Variants in PCDH9 observed in about 807,000 individuals in gnomAD.
The protein encoded by PCDH9 is protocadherin 9.
A neutral mutation model predicts 70.6 loss-of-function variants in PCDH9; 24 were observed. The ratio of observed to expected loss-of-function variants is 0.34; its 90% CI spans 0.25 to 0.48. PCDH9 has a LOEUF of 0.48. Ranked by LOEUF, PCDH9 falls within the 20% of genes least tolerant of loss-of-function variation. The pLI is 0.99. For missense variants in PCDH9, 1,281 were observed against 1,503.6 expected (o/e 0.85, Z 2.45); for synonymous variants, 562 against 558.5 (o/e 1.01, Z -0.09).
intron 2 of PCDH9, among the ~76,000 whole-genome samples, chr13:67,140,025 A>ACCCCCCCCCCCC (rs34514187): frequency 2.0e-4 from 13 of 65,934 alleles, no homozygotes; most frequent in Non-Finnish European, 2.2e-4. Context: ...TTTTTTGATC[A>ACCCCCCCCCCCC]CCCCCCCCCC....
At chr13:66,358,321 C>T (rs1956417866) in intron 4 of PCDH9, among the ~76,000 whole-genome samples, 1 of 151,806 alleles carries the variant, frequency 6.6e-6, no homozygotes, top group Admixed American at 6.6e-5. Context: ...ACATTTATTA[C>T]TCTTTCTTTA....
chr13:67,067,895 G>A (rs946080160), intron 2 of PCDH9, among the ~76,000 whole-genome samples: 5 of 151,896 alleles, frequency 3.3e-5, no homozygotes, highest in Non-Finnish European at 5.9e-5. Context: ...AACTAGATCC[G>A]GTAAAGGTCT....
chr13:66,830,386 G>A (rs968134039), intron 3 of PCDH9, among the ~76,000 whole-genome samples: 7 of 151,828 alleles, frequency 4.6e-5, no homozygotes, highest in Admixed American at 1.3e-4. Context: ...AAAACAAGCA[G>A]GTCACACTAA....
chr13:66,769,520 C>T lies in PCDH9; in HGVS notation c.3138+133984G>A, dbSNP rs561749446. ...CAGATATGCAATTTTCTAGGTTTTT[C>T]GGAGCCACTTTCATAACAGTGTGGT... On this transcript the variant is annotated intron_variant, in intron 3 of 4. Transcript: ENST00000377865. Among the ~76,000 whole-genome samples, 140 of 150,102 alleles carry T rather than the reference C, an allele frequency of 9.3e-4. 1 individual carries two copies. Among genetic ancestry groups the T allele is most frequent in the Admixed American group, 1.5e-3 (22 of 15,060 alleles).
chr13:66,976,117 G>A (rs2083614597), intron 2 of PCDH9, among the ~76,000 whole-genome samples: 1 of 151,940 alleles, frequency 6.6e-6, no homozygotes, highest in African/African-American at 2.4e-5. Context: ...GTCCTTTGAG[G>A]AAAAAAATAC....
At chr13:66,378,357 C>CT (rs150448060) in intron 4 of PCDH9, among the ~76,000 whole-genome samples, 3,805 of 151,240 alleles carry the variant, frequency 0.025, 144 homozygotes, top group African/African-American at 0.084. Context: ...TGGGTAAGTG[C>CT]TTTTTTTTTG....
At chr13:66,991,712 A>G (rs1045503835) in intron 2 of PCDH9, among the ~76,000 whole-genome samples, 1 of 152,148 alleles carries the variant, frequency 6.6e-6, no homozygotes, top group Non-Finnish European at 1.5e-5. Context: ...ACAGAATCCG[A>G]AACAAAATGA....
chr13:67,156,921 G>C (rs1224766046), intron 2 of PCDH9, among the ~76,000 whole-genome samples: 2 of 152,148 alleles, frequency 1.3e-5, no homozygotes, highest in African/African-American at 2.4e-5. Flanking sequence ...CCTGCCGGGG[G>C]ACTACTGAAC....
chr13:67,182,171 A>C (rs963444128), intron 2 of PCDH9, among the ~76,000 whole-genome samples: 8 of 152,176 alleles, frequency 5.3e-5, no homozygotes, highest in Non-Finnish European at 1.0e-4. Flanking sequence ...TCATAAGTTA[A>C]ACTACCTCCA....
intron 2 of PCDH9, among the ~76,000 whole-genome samples, chr13:66,927,885 A>G (rs115463592): frequency 0.011 from 1,692 of 152,194 alleles, 36 homozygotes; most frequent in African/African-American, 0.039. Context: ...GGGAAACACA[A>G]TTCTGCCCAT....
intron 4 of PCDH9, among the ~76,000 whole-genome samples, chr13:66,599,028 T>A (rs1182238760): frequency 2.0e-5 from 3 of 151,700 alleles, no homozygotes; most frequent in South Asian, 2.1e-4. Flanking sequence ...AATCAAGTAA[T>A]TTTTTTTACA....
chr13:66,871,273 G>A (rs2081677826), intron 3 of PCDH9, among the ~76,000 whole-genome samples: 1 of 151,560 alleles, frequency 6.6e-6, no homozygotes, highest in Non-Finnish European at 1.5e-5. Context: ...AGCATTAGGA[G>A]ATATACCTAA....
chr13:66,845,072 A>G (rs9599158), intron 3 of PCDH9, among the ~76,000 whole-genome samples: 2,511 of 152,228 alleles, frequency 0.016, 36 homozygotes, highest in Non-Finnish European at 0.024. Context: ...AAAAAGAGCC[A>G]TAAGTTCTCA....
chr13:66,999,122 C>T (rs187936986), intron 2 of PCDH9, among the ~76,000 whole-genome samples: 30 of 152,300 alleles, frequency 2.0e-4, no homozygotes, highest in African/African-American at 6.7e-4. Flanking sequence ...TTGCCTATCT[C>T]TCTGCCTTTG....
At chr13:66,564,174 T>G (rs1161825319) in intron 4 of PCDH9, among the ~76,000 whole-genome samples, 6 of 149,092 alleles carry the variant, frequency 4.0e-5, no homozygotes, top group Admixed American at 2.0e-4. Flanking sequence ...AAATTTTGAT[T>G]TTTTTTTTAA....
chr13:66,617,814 T>C (rs1009076023), intron 4 of PCDH9, among the ~76,000 whole-genome samples: 11 of 152,162 alleles, frequency 7.2e-5, no homozygotes, highest in African/African-American at 2.4e-4. Flanking sequence ...GATGGCCCCA[T>C]CTGCCGGGAA....
At chr13:67,089,220 A>T (rs775895325) in intron 2 of PCDH9, among the ~76,000 whole-genome samples, 4 of 152,076 alleles carry the variant, frequency 2.6e-5, no homozygotes, top group Non-Finnish European at 4.4e-5. Flanking sequence ...TAGAGATTCA[A>T]ATATCACATT....
chr13:66,967,638 A>C (rs1302985720), intron 2 of PCDH9, among the ~76,000 whole-genome samples: 1 of 152,054 alleles, frequency 6.6e-6, no homozygotes, highest in Non-Finnish European at 1.5e-5. Flanking sequence ...ATAACAACAA[A>C]TTATACAAAT....
chr13:66,477,507 A>G lies in PCDH9; in HGVS notation c.3340+153703T>C, dbSNP rs563596318. On this transcript the variant is annotated intron_variant, in intron 4 of 4. Coordinates refer to ENST00000377865, the MANE Select transcript of PCDH9 (RefSeq NM_203487.3). ...AGATATCAAAAGATGGCAATCCAAC[A>G]GACATTTTGGGTTTGAATTATTTCA... 1.6e-4 allele frequency among the ~76,000 whole-genome samples: 25 copies of G among 151,922 alleles called. No individual in the cohort carries two copies. In the South Asian group the frequency reaches 2.3e-3, roughly 14 times the overall value.
Sources: allele counts gnomAD v4.1 joint callset (sites outside exome capture counted in the v4.1 genomes callset), GRCh38; gene constraint gnomAD v4.1.1; transcripts MANE v1.5; gene names NCBI Gene and HGNC (gene_info 2026-07-23, HGNC 2026-07-21).